FAT3: variants seen among roughly 807,000 people sequenced by gnomAD.
The protein encoded by FAT3 is FAT atypical cadherin 3.
A neutral mutation model predicts 310.2 loss-of-function variants in FAT3; 95 were observed. The ratio of observed to expected loss-of-function variants is 0.31; its 90% CI spans 0.26 to 0.36. The LOEUF (loss-of-function observed/expected upper bound fraction) is 0.36. FAT3 is among the 10% of genes least tolerant of loss of function. FAT3 has a pLI of 1.00. For missense variants in FAT3, 5,408 were observed against 5,715.6 expected (o/e 0.95, Z 1.74); for synonymous variants, 2,314 against 2,192.9 (o/e 1.06, Z -1.54).
At position 92,883,449 on chromosome 11, in the gene FAT3, C is replaced by G. The variant is rs1317708610; in HGVS notation, c.12937+56C>G. ...GGTGCTTACAGGGAACCTGCAGGGG[C>G]GCTGTGCGAGGACGCTACGGGAAGG... On this transcript the variant is annotated intron_variant, in intron 24 of 27. Coordinates refer to ENST00000525166, the MANE Select transcript of FAT3 (RefSeq NM_001367949.2). This position sits in a 1 kb window ranked among gnomAD's most constrained non-coding sequence, Gnocchi z 4.2. The G allele has an allele frequency of 6.5e-7, 1 of 1,547,910 alleles. No homozygotes were observed. The highest frequency in any genetic ancestry group is 1.2e-5 in the South Asian group (1 of 81,224).
intron 2 of FAT3, among the ~76,000 whole-genome samples, chr11:92,451,092 T>A (rs2135065124): frequency 6.6e-6 from 1 of 152,098 alleles, no homozygotes; most frequent in Non-Finnish European, 1.5e-5. Context: ...AGCAGAAAGG[T>A]TTAGGTGATT....
chr11:92,890,435 G>T (rs975934939), intron 27 of FAT3, 56 bp from the exon 28 acceptor site: 1 of 1,546,244 alleles, frequency 6.5e-7, no homozygotes, highest in Non-Finnish European at 8.7e-7. Flanking sequence ...TCCTTTCCCA[G>T]CAAAGCACCA....
intron 3 of FAT3, among the ~76,000 whole-genome samples, chr11:92,586,388 C>G (rs1939158884): frequency 6.6e-6 from 1 of 151,850 alleles, no homozygotes; most frequent in Admixed American, 6.6e-5. Context: ...GACTGTTTTC[C>G]TGATTGAAGA....
At chr11:92,289,033 A>T (rs2134387850) in intron 1 of FAT3, among the ~76,000 whole-genome samples, 1 of 152,154 alleles carries the variant, frequency 6.6e-6, no homozygotes, top group African/African-American at 2.4e-5. Context: ...TGCTTGCGGG[A>T]CTCACCATTG....
At position 92,840,572 on chromosome 11, in the gene FAT3, C is replaced by T; in HGVS notation, c.10379C>T (p.Pro3460Leu). 6.3e-7 allele frequency: 1 copy of T among 1,587,400 alleles called. No individual in the cohort carries two copies. The highest frequency in any genetic ancestry group is 8.6e-7 in the Non-Finnish European group (1 of 1,159,236). ...TACTCTTTTATGCAGGAAAATAAGC[C>T]AGTGGGCACCAGCATCTTGCAGCTG... ...NYTAVIQENK[P>L]VGTSILQLVV... is the part of the protein sequence containing the mutation. Residue 3460 changes from proline to leucine, a missense_variant, in exon 18 of 28, where the codon CCA becomes CTA. By Grantham distance (98) the Pro-to-Leu change is moderately conservative (BLOSUM62 -3). Transcript: ENST00000525166.
intron 4 of FAT3, among the ~76,000 whole-genome samples, chr11:92,727,736 A>G (rs986686541): frequency 2.0e-5 from 3 of 152,010 alleles, no homozygotes; most frequent in African/African-American, 7.2e-5. Flanking sequence ...TGTTTTCCTC[A>G]CATGCCTTAG....
At chr11:92,856,306 G>GTT (rs1948978729) in intron 19 of FAT3, among the ~76,000 whole-genome samples, 1 of 147,608 alleles carries the variant, frequency 6.8e-6, no homozygotes, top group African/African-American at 2.4e-5. Flanking sequence ...GGAAACCACT[G>GTT]TTTCAGTTGT....
intron 4 of FAT3, among the ~76,000 whole-genome samples, chr11:92,756,817 C>T (rs1444794699): frequency 1.3e-5 from 2 of 151,420 alleles, no homozygotes; most frequent in Admixed American, 1.3e-4. Context: ...CAGGAATAGA[C>T]TTAAAGACAT....
chr11:92,580,977 A>G (rs1347257584), intron 3 of FAT3, among the ~76,000 whole-genome samples: 1 of 151,906 alleles, frequency 6.6e-6, no homozygotes, highest in Non-Finnish European at 1.5e-5. Flanking sequence ...TGGGGTTCCT[A>G]GATTCTTATT....
At chr11:92,367,819 G>A (rs1169292307) in intron 2 of FAT3, among the ~76,000 whole-genome samples, 1 of 152,196 alleles carries the variant, frequency 6.6e-6, no homozygotes, top group Non-Finnish European at 1.5e-5. Flanking sequence ...ATAACAGTAT[G>A]AAGGATAACT....
chr11:92,240,653 C>T (rs1381073927), intron 1 of FAT3, among the ~76,000 whole-genome samples: 1 of 151,184 alleles, frequency 6.6e-6, no homozygotes, highest in Non-Finnish European at 1.5e-5. Flanking sequence ...ACAGCCTATA[C>T]AGCCTAAGGT....
chr11:92,784,005 T>C (rs368662922), intron 7 of FAT3, among the ~76,000 whole-genome samples: 2 of 152,226 alleles, frequency 1.3e-5, no homozygotes, highest in Non-Finnish European at 2.9e-5. Flanking sequence ...CTGTACACAT[T>C]GTATGTATAA....
intron 1 of FAT3, among the ~76,000 whole-genome samples, chr11:92,343,376 A>G (rs1948321422): frequency 6.6e-6 from 1 of 152,172 alleles, no homozygotes; most frequent in South Asian, 2.1e-4. Context: ...CCCTGTAAAT[A>G]AAATACTCTT....
chr11:92,698,619 A>T (rs1019383791), intron 4 of FAT3, among the ~76,000 whole-genome samples: 19 of 152,162 alleles, frequency 1.2e-4, no homozygotes, highest in African/African-American at 4.6e-4. Flanking sequence ...ATCATCATAC[A>T]ATACTATGAT....
chr11:92,300,421 A>C (rs537316853), intron 1 of FAT3, among the ~76,000 whole-genome samples: 11 of 152,208 alleles, frequency 7.2e-5, no homozygotes, highest in Admixed American at 5.2e-4. Flanking sequence ...GCTTTGTCTT[A>C]CACACTTTTG....
chr11:92,765,731 A>G (rs190327261), intron 6 of FAT3, among the ~76,000 whole-genome samples: 71 of 150,502 alleles, frequency 4.7e-4, no homozygotes, highest in Admixed American at 3.8e-3. Flanking sequence ...CAACTATTGC[A>G]TTACTCGTAT....
chr11:92,266,466 G>C (rs1460716438), intron 1 of FAT3, among the ~76,000 whole-genome samples: 2 of 152,144 alleles, frequency 1.3e-5, no homozygotes, highest in African/African-American at 2.4e-5. Flanking sequence ...GTACTTTTCA[G>C]CTTTTATCAC....
chr11:92,804,689 T>C (rs1175339300), intron 10 of FAT3, among the ~76,000 whole-genome samples: 1 of 152,224 alleles, frequency 6.6e-6, no homozygotes, highest in Non-Finnish European at 1.5e-5. Context: ...CGCAGCTGTA[T>C]GATAAAGGCT....
At chr11:92,862,903 C>T (rs1181126323) in intron 21 of FAT3, among the ~76,000 whole-genome samples, 2 of 152,094 alleles carry the variant, frequency 1.3e-5, no homozygotes, top group Non-Finnish European at 2.9e-5. Context: ...CTCAAAGTGA[C>T]AGCCAGTCAA....
Sources: gnomAD v4.1 joint callset for allele counts (sites outside exome capture counted in the v4.1 genomes callset) on GRCh38, gnomAD v4.1.1 for gene constraint, Gnocchi (gnomAD v3.1) non-coding constraint, MANE v1.5 for transcripts, NCBI Gene and HGNC (gene_info 2026-07-23, HGNC 2026-07-21) for gene names.